ZNF541: variants seen among roughly 807,000 people sequenced by gnomAD.
The protein encoded by ZNF541 is zinc finger protein 541.
Under a neutral mutation model 123.5 loss-of-function variants are expected in ZNF541, and 23 were observed. The ratio of observed to expected loss-of-function variants is 0.19; its 90% confidence interval spans 0.13 to 0.26. ZNF541 has a LOEUF of 0.26. ZNF541 is among the 10% of genes least tolerant of loss of function. ZNF541 has a pLI of 1.00. For missense variants in ZNF541, 1,612 were observed against 1,789.9 expected (o/e 0.90, Z 1.79); for synonymous variants, 751 against 754.5 (o/e 1.00, Z 0.08).
rs1206753943 is a variant in ZNF541, at chr19:47,538,396, C to T, written c.2840G>A (p.Ser947Asn). 2 of 1,543,016 alleles carry T rather than the reference C, an allele frequency of 1.3e-6. No homozygotes were observed. Among genetic ancestry groups the T allele is most frequent in the East Asian group, 4.9e-5 (2 of 40,836 alleles). The stretch of plus-strand genomic sequence containing the variant: ...CCGCTTCTTCCGCTTTCTCTGCTGG[C>T]TGCTCTCCTTGCTGTCTCGCTCCTC... The part of the protein sequence containing the change: ...DGEERDSKES[S>N]QQRKRKKRPP... Residue 947 changes from serine to asparagine, a missense_variant, in exon 9 of 17, where the codon AGC becomes AAC. Physicochemically the swap from Ser to Asn is conservative, Grantham distance 46. This residue lies in a region of ZNF541 where 1,080 missense variants were observed against 1,013.8 expected (regional missense o/e 1.07). Coordinates refer to ENST00000391901, the MANE Select transcript of ZNF541 (RefSeq NM_001277075.3).
chr19:47,542,236 A>G (rs1323128397), intron 5 of ZNF541, among the ~76,000 whole-genome samples: 2 of 152,160 alleles, frequency 1.3e-5, no homozygotes, highest in African/African-American at 4.8e-5. Context: ...GGGGAGGGCG[A>G]GATTGTGGGT....
Position 47,545,588 on chromosome 19 carries a change from C to A in ZNF541, c.941G>T (p.Gly314Val). Residue 314 changes from glycine to valine, a missense_variant, in exon 5 of 17, where the codon GGG (glycine) becomes GTG (valine). Around this residue, in one of 5 missense-constraint regions of ZNF541, gnomAD observed 1,080 missense variants for 1,013.8 expected, o/e 1.07. Coordinates refer to ENST00000391901, the MANE Select transcript of ZNF541 (RefSeq NM_001277075.3). The surrounding 1 kb of genome is among the most constrained non-coding windows in gnomAD (Gnocchi z 7.5). ...GCCGGCTGGGGTGCAGGACGAGGAC[C>A]CCGATGAGGCGGGGCAGGGACAGGC... ...NTACPCPASSGSSSCTPAGPH... is the reference protein window; with the variant it reads ...NTACPCPASSVSSSCTPAGPH... 1 of 1,548,576 alleles carries A rather than the reference C, an allele frequency of 6.5e-7. No homozygotes were observed. The highest frequency in any genetic ancestry group is 8.7e-7 in the Non-Finnish European group (1 of 1,145,090).
At chr19:47,522,641 A>T (rs2921550) in intron 14 of ZNF541, among the ~76,000 whole-genome samples, 152,252 of 152,264 alleles carry the variant, frequency 1, 76,120 homozygotes, top group Middle Eastern at 1. Flanking sequence ...CAGAATTTTT[A>T]AAAAATTAGC....
chr19:47,560,548 C>G (rs1269500074), intron 2 of ZNF541, among the ~76,000 whole-genome samples: 1 of 147,684 alleles, frequency 6.8e-6, no homozygotes, highest in Non-Finnish European at 1.5e-5. Context: ...TGCACTCCAG[C>G]CTAGGAGACA....
chr19:47,557,610 A>T (rs1310997102), intron 2 of ZNF541, among the ~76,000 whole-genome samples: 3 of 152,108 alleles, frequency 2.0e-5, no homozygotes, highest in African/African-American at 7.2e-5. Flanking sequence ...GAGGCAGAGG[A>T]GGGAGGATTG....
chr19:47,553,931 C>A (rs1358329260), intron 3 of ZNF541, among the ~76,000 whole-genome samples: 1 of 152,144 alleles, frequency 6.6e-6, no homozygotes, highest in Admixed American at 6.6e-5. Flanking sequence ...TCAACATGTA[C>A]AAAGTTGTTC....
In ZNF541 at chr19:47,545,807, TG is replaced by T; in HGVS notation, c.721del (p.His241ThrfsTer39). 2 of 1,543,908 alleles carry T rather than the reference TG, an allele frequency of 1.3e-6. No individual in the cohort carries two copies. The highest frequency in any genetic ancestry group is 8.7e-7 in the Non-Finnish European group (1 of 1,144,370). On this transcript the variant is annotated frameshift_variant, in exon 5 of 17. Coordinates refer to ENST00000391901, the MANE Select transcript of ZNF541 (RefSeq NM_001277075.3). LOFTEE classifies it high-confidence loss of function. The surrounding 1 kb of genome is among the most constrained non-coding windows in gnomAD (Gnocchi z 7.5). ...PEEEACGDSP[H>X]AHESAGQPPP... ...CGGCTGGCCGGCCGACTCGTGGGCG[TG>T]GGGGGAGTCCCCGCAGGCCTCTTCC...
At chr19:47,528,758 C>G (rs1295908982) in intron 14 of ZNF541, among the ~76,000 whole-genome samples, 192 bp downstream of exon 14, 1 of 152,106 alleles carries the variant, frequency 6.6e-6, no homozygotes, top group Non-Finnish European at 1.5e-5. Flanking sequence ...CTGTTCTGTG[C>G]AGGTGATGCA....
chr19:47,534,122 G>A (rs1406071728), intron 9 of ZNF541, among the ~76,000 whole-genome samples: 4 of 152,180 alleles, frequency 2.6e-5, no homozygotes, highest in Non-Finnish European at 4.4e-5. Flanking sequence ...GTAAAATATT[G>A]GCAAGTGAAG....
Position 47,543,099 on chromosome 19 carries a change from A to AC in ZNF541, c.2403+1026dup, listed in dbSNP as rs560844604. On this transcript the variant is annotated intron_variant, in intron 5 of 16. Coordinates refer to ENST00000391901, the MANE Select transcript of ZNF541 (RefSeq NM_001277075.3). ...AGACCAGGCTGGGCAACATAGCGAG[A>AC]CCCCCTCCATCTCTAAAAAATATAT... 5.4e-3 allele frequency among the ~76,000 whole-genome samples: 828 copies of AC among 151,996 alleles called. 5 individuals are homozygous for AC. The highest frequency in any genetic ancestry group is 9.5e-3 in the Non-Finnish European group (643 of 67,968).
chr19:47,529,300 C>T (rs1472232579), intron 13 of ZNF541, among the ~76,000 whole-genome samples: 3 of 152,134 alleles, frequency 2.0e-5, no homozygotes, highest in Non-Finnish European at 2.9e-5. Context: ...TGGGTTCAAC[C>T]ACTGAACCTA....
intron 5 of ZNF541, among the ~76,000 whole-genome samples, chr19:47,542,350 C>T (rs1829643580): frequency 6.6e-6 from 1 of 152,134 alleles, no homozygotes; most frequent in South Asian, 2.1e-4. Flanking sequence ...TTACCCAACG[C>T]TACACTTTAA....
intron 2 of ZNF541, among the ~76,000 whole-genome samples, chr19:47,568,795 C>T (rs1484366816): frequency 6.6e-6 from 1 of 152,150 alleles, no homozygotes; most frequent in African/African-American, 2.4e-5. Context: ...CCTCAACCTT[C>T]CGAGTAGCTG....
chr19:47,540,208 A>T lies in ZNF541; in HGVS notation c.2590T>A (p.Trp864Arg). ...SSHMCFHSDQWPSPRGKQEPQ... is the reference protein window; with the variant it reads ...SSHMCFHSDQRPSPRGKQEPQ... ...TCCTGCTTCCCTCGAGGTGACGGCC[A>T]CTGGTCGCTGTGAAAACACATGTGG... Residue 864 changes from tryptophan to arginine, a missense_variant, in exon 7 of 17, where the codon TGG (tryptophan) becomes AGG (arginine). This residue lies in a region of ZNF541 where 1,080 missense variants were observed against 1,013.8 expected (regional missense o/e 1.07). Transcript: ENST00000391901. 4.5e-6 allele frequency: 7 copies of T among 1,551,546 alleles called. No homozygotes were observed. The highest frequency in any genetic ancestry group is 6.1e-6 in the Non-Finnish European group (7 of 1,146,994).
chr19:47,550,126 T>C (rs1459566066), intron 3 of ZNF541, among the ~76,000 whole-genome samples: 1 of 151,838 alleles, frequency 6.6e-6, no homozygotes, highest in Non-Finnish European at 1.5e-5. Context: ...GTGGTGTGTG[T>C]CTGTAATCCC....
chr19:47,545,071 CG>C lies in ZNF541; in HGVS notation c.1457del (p.Pro486ArgfsTer65). The C allele has an allele frequency of 6.8e-7, 1 of 1,477,088 alleles. No individual in the cohort carries two copies. The highest frequency in any genetic ancestry group is 8.9e-7 in the Non-Finnish European group (1 of 1,117,668). 91.5% of individuals were successfully genotyped at this position (1,477,088 alleles called of 1,614,324 possible). A position where few individuals can be genotyped will look rare whatever the true frequency, so the allele number is the denominator to read the frequency against. On this transcript the variant is annotated frameshift_variant, in exon 5 of 17. Transcript: ENST00000391901. LOFTEE classifies it high-confidence loss of function. This position sits in a 1 kb window ranked among gnomAD's most constrained non-coding sequence, Gnocchi z 7.5. Reference sequence around the variant, plus strand: ...CCCCGCTGGCCGACCTGGGGTCGCTCGGGGCCTCCGCGGGGACCCTGAGGAG... The same window carrying C: ...CCCCGCTGGCCGACCTGGGGTCGCTCGGGCCTCCGCGGGGACCCTGAGGAG... ...AALLRVPAEA[P>X]SDPRSASGED...
At chr19:47,531,569 C>G in intron 12 of ZNF541, 73 bp downstream of exon 12, 2 of 1,212,680 alleles carry the variant, frequency 1.6e-6, no homozygotes, top group Non-Finnish European at 2.3e-6. Context: ...AACCCCCAAG[C>G]AGACAGCACG....
chr19:47,531,325 C>T (rs1399353832), intron 12 of ZNF541, among the ~76,000 whole-genome samples: 1 of 149,046 alleles, frequency 6.7e-6, no homozygotes, highest in African/African-American at 2.4e-5. Flanking sequence ...AGCTAAAACT[C>T]AAGGAATTAA....
chr19:47,560,108 G>A (rs913473642), intron 2 of ZNF541, among the ~76,000 whole-genome samples: 10 of 152,030 alleles, frequency 6.6e-5, no homozygotes, highest in Non-Finnish European at 1.5e-4. Context: ...TACCTAACTG[G>A]CAGCTCTCTG....
Sources: gnomAD v4.1 joint callset for allele counts (sites outside exome capture counted in the v4.1 genomes callset) on GRCh38, gnomAD v4.1.1 for gene constraint, gnomAD v4.1.1 regional missense constraint, Gnocchi (gnomAD v3.1) non-coding constraint, MANE v1.5 for transcripts, NCBI Gene and HGNC (gene_info 2026-07-23, HGNC 2026-07-21) for gene names.